BUB1B: variants seen among roughly 807,000 people sequenced by gnomAD.
The protein encoded by BUB1B is mitotic checkpoint serine/threonine-protein kinase BUB1 beta.
A neutral mutation model predicts 137.7 loss-of-function variants in BUB1B; 86 were observed. That is an observed-to-expected ratio of 0.62 (90% CI 0.52 to 0.75). The LOEUF (loss-of-function observed/expected upper bound fraction) is 0.75. BUB1B is among the 30% of genes least tolerant of loss of function. The probability of loss-of-function intolerance (pLI) is 0.00; values close to 1 mark genes in which losing one functional copy is unlikely to be tolerated. For synonymous variants in BUB1B, 420 were observed against 417.9 expected (o/e 1.00, Z -0.06); for missense variants, 1,130 against 1,236.9 (o/e 0.91, Z 1.30).
intron 2 of BUB1B, 80 bp downstream of exon 2, chr15:40,165,276 A>G (rs1244697680): frequency 3.2e-6 from 5 of 1,586,596 alleles, no homozygotes; most frequent in African/African-American, 2.7e-5. Context: ...TCCATGAGAG[A>G]TGGCATAATG....
At position 40,221,010 on chromosome 15, in the gene BUB1B, G is replaced by C; in HGVS notation, c.*251G>C. The C allele has an allele frequency of 1.9e-6, 1 of 515,010 alleles. No individual in the cohort carries two copies. The highest frequency in any genetic ancestry group is 2.3e-5 in the South Asian group (1 of 43,370). The allele number at this position is 515,010 out of a possible 1,614,324, so 31.9% of individuals were successfully genotyped here. A position where few individuals can be genotyped will look rare whatever the true frequency, so the allele number is the denominator to read the frequency against. The stretch of plus-strand genomic sequence containing the variant: ...CAGACTCATTACAAATGGTTACCTT[G>C]TTATTTAACCCATTTGTCTCTACTT... On this transcript the variant is annotated 3_prime_UTR_variant, in exon 23 of 23. Coordinates refer to ENST00000287598, the MANE Select transcript of BUB1B (RefSeq NM_001211.6).
chr15:40,171,098 A>T (rs149876424), intron 4 of BUB1B, among the ~76,000 whole-genome samples: 301 of 152,106 alleles, frequency 2.0e-3, no homozygotes, highest in African/African-American at 6.9e-3. Flanking sequence ...CATTACGTCC[A>T]GCTAATTTTT....
Position 40,196,613 on chromosome 15 carries a change from G to T in BUB1B, c.1127G>T (p.Gly376Val), listed in dbSNP as rs147150527. 6.3e-5 allele frequency: 101 copies of T among 1,614,010 alleles called. No homozygotes were observed. The African/African-American group carries it at 1.2e-3, about 20-fold the overall frequency. The change falls in exon 9 of 23, where the codon GGA becomes GTA. Residue 376 changes from glycine (G) to valine (V), a missense_variant. Physicochemically the swap from Gly to Val is moderately radical, Grantham distance 109. Coordinates refer to ENST00000287598, the MANE Select transcript of BUB1B (RefSeq NM_001211.6). ...ACCAGAAAGCCTGGAAAGGAAGAAG[G>T]AGATCCTCTACAAAGGGTTCAGAGC... is the stretch of plus-strand genomic sequence containing the variant. ...LSTRKPGKEE[G>V]DPLQRVQSHQ... is the part of the protein sequence containing the mutation.
chr15:40,176,565 G>A lies in BUB1B; in HGVS notation c.473G>A (p.Trp158Ter), dbSNP rs2037226022. The A allele has an allele frequency of 6.2e-7, 1 of 1,614,016 alleles. No individual in the cohort carries two copies. The highest frequency in any genetic ancestry group is 8.5e-7 in the Non-Finnish European group (1 of 1,179,992). The change falls in exon 5 of 23, where the codon TGG (tryptophan) becomes TAG (stop). Residue 158 changes from tryptophan (W) to a stop codon, truncating the protein, a stop_gained. Coordinates refer to ENST00000287598, the MANE Select transcript of BUB1B (RefSeq NM_001211.6). LOFTEE classifies it high-confidence loss of function. ...TCACTTGCTCAGTTCTATATCTCAT[G>A]GGCAGAAGAATATGAAGCTAGAGAA... ...GVSLAQFYISWAEEYEARENF... is the reference protein window; with the variant it reads ...GVSLAQFYIS
chr15:40,167,152 AC>A (rs899288195), intron 2 of BUB1B, among the ~76,000 whole-genome samples: 2 of 146,152 alleles, frequency 1.4e-5, no homozygotes, highest in African/African-American at 5.0e-5. Context: ...TTTTTCCCTC[AC>A]CCATGGCTGT....
intron 8 of BUB1B, among the ~76,000 whole-genome samples, chr15:40,189,960 A>G (rs1053188780): frequency 6.6e-6 from 1 of 152,218 alleles, no homozygotes; most frequent in Non-Finnish European, 1.5e-5. Flanking sequence ...GTGACTAATG[A>G]TGTTGAGCCT....
rs765906277 is a variant in BUB1B at position 40,208,700 on chromosome 15, G to T, written c.2073G>T (p.Ser691=). 3.1e-6 allele frequency: 5 copies of T among 1,613,688 alleles called. No homozygotes were observed. Among genetic ancestry groups the T allele is most frequent in the Non-Finnish European group, 4.2e-6 (5 of 1,179,690 alleles). Residue 691 remains serine, a synonymous_variant, in exon 16 of 23, where the codon TCG becomes TCT. Transcript: ENST00000287598. ...CTGGCTTCTCTGGTTCTTCTGCCTC[G>T]GTTGCAAGCACCTCCTCCATCAAAT... ...HSSGFSGSSA[S]VASTSSIKCL...
intron 2 of BUB1B, chr15:40,166,487 C>A: frequency 1.3e-5 from 4 of 304,142 alleles, no homozygotes; most frequent in Non-Finnish European, 2.5e-5. Context: ...CTACAGGTGC[C>A]TGCCACCACG....
Position 40,213,495 on chromosome 15 carries a change from T to C in BUB1B, c.2678+21T>C, listed in dbSNP as rs192061450. 5.0e-4 allele frequency: 806 copies of C among 1,613,800 alleles called. 9 individuals carry two copies. In the African/African-American group the frequency reaches 5.0e-3, roughly 10 times the overall value. On this transcript the variant is annotated intron_variant, in intron 20 of 22. Coordinates refer to ENST00000287598, the MANE Select transcript of BUB1B (RefSeq NM_001211.6). ...AACAGGTTGGTCCTTTTCATTCTTA[T>C]AATTCTGCCAGCTGTCTCTTAAAAC...
chr15:40,172,725 T>C (rs151007342), intron 4 of BUB1B, among the ~76,000 whole-genome samples: 1 of 152,324 alleles, frequency 6.6e-6, no homozygotes, highest in African/African-American at 2.4e-5. Flanking sequence ...GTTACAAGTA[T>C]AGAAAATTAG....
chr15:40,206,431 G>A lies in BUB1B; in HGVS notation c.1982G>A (p.Ser661Asn), dbSNP rs746933398. Reference sequence around the variant, plus strand: ...CAGACAGCTTGTGGCACTATCTACAGTCAGACTCTCAGCATCAAGAAGCTG... The same window carrying A: ...CAGACAGCTTGTGGCACTATCTACAATCAGACTCTCAGCATCAAGAAGCTG... Reference protein sequence around the residue: ...DQQTACGTIYSQTLSIKKLSP... With the variant: ...DQQTACGTIYNQTLSIKKLSP... The change falls in exon 15 of 23, where the codon AGT (serine) becomes AAT (asparagine). Residue 661 changes from serine to asparagine, a missense_variant. By Grantham distance (46) the Ser-to-Asn change is conservative (BLOSUM62 1). Coordinates refer to ENST00000287598, the MANE Select transcript of BUB1B (RefSeq NM_001211.6). The A allele has an allele frequency of 3.7e-5, 59 of 1,614,048 alleles. No individual in the cohort carries two copies. Among genetic ancestry groups the A allele is most frequent in the Non-Finnish European group, 4.7e-5 (56 of 1,180,042 alleles).
At chr15:40,200,784 ATCT>A (rs1212455841) in intron 11 of BUB1B, 144 bp from the exon 12 acceptor site, 7 of 689,176 alleles carry the variant, frequency 1.0e-5, no homozygotes, top group Non-Finnish European at 1.7e-5. Context: ...CAAAGCTTCC[ATCT>A]TCTTTAAGAG....
intron 9 of BUB1B, among the ~76,000 whole-genome samples, chr15:40,197,548 A>G (rs758129138): frequency 5.9e-5 from 9 of 152,162 alleles, no homozygotes; most frequent in Non-Finnish European, 1.3e-4. Flanking sequence ...TGTAAGGAGA[A>G]AGTAATGTTT....
intron 15 of BUB1B, 147 bp from the exon 16 acceptor site, chr15:40,208,490 A>G (rs981228846): frequency 2.8e-5 from 21 of 740,600 alleles, no homozygotes; most frequent in Non-Finnish European, 3.7e-5. Flanking sequence ...GTGAGCCAAG[A>G]TCATGCAGTT....
intron 14 of BUB1B, among the ~76,000 whole-genome samples, 192 bp from the exon 15 acceptor site, chr15:40,205,992 T>C (rs977135501): frequency 1.3e-5 from 2 of 152,196 alleles, no homozygotes; most frequent in African/African-American, 4.8e-5. Context: ...GTATGGAGAA[T>C]CTTCCTGGTA....
chr15:40,174,560 A>G (rs1286859555), intron 4 of BUB1B, among the ~76,000 whole-genome samples: 2 of 152,266 alleles, frequency 1.3e-5, no homozygotes, highest in Admixed American at 1.3e-4. Context: ...AACAAATACA[A>G]GACGGACTTA....
chr15:40,188,529 A>G (rs1566821599), intron 8 of BUB1B, among the ~76,000 whole-genome samples: 1 of 151,158 alleles, frequency 6.6e-6, no homozygotes, highest in Non-Finnish European at 1.5e-5. Context: ...TTTTGGCTTC[A>G]TGTAGCAGTA....
At position 40,209,490 on chromosome 15, in the gene BUB1B, A is replaced by T. The variant is rs918992009; in HGVS notation, c.2144-145A>T. 3.2e-6 allele frequency: 3 copies of T among 936,860 alleles called. No individual in the cohort carries two copies. The African/African-American group carries it at 4.9e-5, about 15-fold the overall frequency. The allele number at this position is 936,860 out of a possible 1,614,324, so 58.0% of individuals were successfully genotyped here. A position where few individuals can be genotyped will look rare whatever the true frequency, so the allele number is the denominator to read the frequency against. On this transcript the variant is annotated intron_variant, in intron 16 of 22. Coordinates refer to ENST00000287598, the MANE Select transcript of BUB1B (RefSeq NM_001211.6). Reference sequence around the variant, plus strand: ...GTACGAAGTGAACACAGTTTCATAAACACCTGAGACAGGTGAGTGTAGTTA... The same window carrying T: ...GTACGAAGTGAACACAGTTTCATAATCACCTGAGACAGGTGAGTGTAGTTA...
In BUB1B at chr15:40,220,526, T is replaced by A; in HGVS notation, c.2958-38T>A. The A allele has an allele frequency of 1.6e-5, 25 of 1,601,078 alleles. 1 individual carries two copies. The highest frequency in any genetic ancestry group is 2.1e-5 in the Non-Finnish European group (25 of 1,168,238). ...ACTAAAAGGAATTATAATTTTCATA[T>A]GCCTAATCTTGATGGAAATGGTTTT... On this transcript the variant is annotated intron_variant, in intron 22 of 22. Transcript: ENST00000287598.
Sources: gnomAD v4.1 joint callset for allele counts (sites outside exome capture counted in the v4.1 genomes callset) on GRCh38, gnomAD v4.1.1 for gene constraint, MANE v1.5 for transcripts, NCBI Gene and HGNC (gene_info 2026-07-23, HGNC 2026-07-21) for gene names.